TMEM114: variants seen among roughly 807,000 people sequenced by gnomAD.
TMEM114 encodes transmembrane protein 114.
TMEM114 carries 6 observed loss-of-function variants against 6.2 expected under a neutral mutation model. The observed-to-expected ratio is 0.97, with a 90% CI of 0.53 to 1.91. TMEM114 has a LOEUF of 1.91. Among genes scored for constraint, TMEM114 ranks in the 40% most tolerant of loss-of-function variants. The probability of loss-of-function intolerance (pLI) is 0.01; values close to 1 mark genes in which losing one functional copy is unlikely to be tolerated. For missense variants in TMEM114, 218 were observed against 158.3 expected (o/e 1.38, Z -2.02); for synonymous variants, 104 against 73.0 (o/e 1.42, Z -2.16).
chr16:8,534,295 C>G (rs1351793705), downstream of TMEM114, among the ~76,000 whole-genome samples: 1 of 150,788 alleles, frequency 6.6e-6, no homozygotes, highest in Non-Finnish European at 1.5e-5. Context: ...GCTTAAGCGC[C>G]AAAGACAAAC....
At chr16:8,553,516 C>T (rs1057064543) in intron 2 of TMEM114, among the ~76,000 whole-genome samples, 1 of 151,958 alleles carries the variant, frequency 6.6e-6, no homozygotes, top group Non-Finnish European at 1.5e-5. Flanking sequence ...GACGGAGTCT[C>T]GCTGTGTCAC....
downstream of TMEM114, among the ~76,000 whole-genome samples, chr16:8,566,354 G>C (rs925776213): frequency 2.8e-5 from 4 of 140,708 alleles, no homozygotes; most frequent in East Asian, 8.5e-4. Context: ...CCCAGCCTGG[G>C]TGACAGAGCT....
intron 2 of TMEM114, among the ~76,000 whole-genome samples, chr16:8,577,450 C>T (rs1901979873): frequency 6.6e-6 from 1 of 152,214 alleles, no homozygotes; most frequent in African/African-American, 2.4e-5. Context: ...ACCATGTGAC[C>T]TTAGGTAAGT....
downstream of TMEM114, among the ~76,000 whole-genome samples, chr16:8,535,325 C>G (rs77235004): frequency 1.3e-5 from 2 of 151,990 alleles, no homozygotes; most frequent in Admixed American, 1.3e-4. Context: ...TCCTCTAGCC[C>G]TGAGATAGCA....
downstream of TMEM114, among the ~76,000 whole-genome samples, chr16:8,567,518 C>T (rs1010865118): frequency 6.6e-6 from 1 of 152,242 alleles, no homozygotes; most frequent in Admixed American, 6.5e-5. Flanking sequence ...AGTGTCTCAG[C>T]ATGTCCCAAG....
At chr16:8,589,166 G>A (rs1413754834) in intron 2 of TMEM114, 47 bp downstream of exon 2, 1 of 398,504 alleles carries the variant, frequency 2.5e-6, no homozygotes, top group South Asian at 1.3e-4. Context: ...CAGAACTCAC[G>A]GCTAGGACCG....
chr16:8,547,491 C>T (rs1174493567), intron 2 of TMEM114, among the ~76,000 whole-genome samples: 1 of 151,186 alleles, frequency 6.6e-6, no homozygotes, highest in Non-Finnish European at 1.5e-5. Context: ...CTCCTGGGTT[C>T]AAGCTATTCT....
intron 2 of TMEM114, among the ~76,000 whole-genome samples, chr16:8,539,320 G>A (rs1286152558): frequency 6.6e-6 from 1 of 152,156 alleles, no homozygotes; most frequent in Admixed American, 6.5e-5. Flanking sequence ...AGGGAATAGA[G>A]GGGTGGGAGG....
intron 2 of TMEM114, among the ~76,000 whole-genome samples, chr16:8,581,520 C>G (rs1380229539): frequency 6.6e-6 from 1 of 151,740 alleles, no homozygotes; most frequent in African/African-American, 2.4e-5. Context: ...ATGGTGTGAT[C>G]TCGGCCCACT....
chr16:8,573,291 T>A (rs1263444860), intron 2 of TMEM114, among the ~76,000 whole-genome samples: 1 of 152,156 alleles, frequency 6.6e-6, no homozygotes, highest in East Asian at 1.9e-4. Flanking sequence ...GCCAAACGGA[T>A]CCACCTGGAG....
chr16:8,549,095 T>G (rs1472486347), intron 2 of TMEM114, among the ~76,000 whole-genome samples: 1 of 142,598 alleles, frequency 7.0e-6, no homozygotes, highest in Non-Finnish European at 1.5e-5. Flanking sequence ...GGCAGGAGAA[T>G]GGCGTGAACC....
intron 2 of TMEM114, among the ~76,000 whole-genome samples, chr16:8,562,526 T>TGAGTGAGTGACTG (rs1465142445): frequency 1.6e-5 from 2 of 127,262 alleles, no homozygotes; most frequent in Admixed American, 7.7e-5. Context: ...ATGAGTGAGT[T>TGAGTGAGTGACTG]AATGAGTGAG....
chr16:8,564,274 T>G (rs547542177), intron 2 of TMEM114, among the ~76,000 whole-genome samples: 8 of 139,358 alleles, frequency 5.7e-5, no homozygotes, highest in African/African-American at 8.3e-5. Flanking sequence ...ATGAAATAAG[T>G]GAATGAGTGA....
At chr16:8,528,359 A>G in the TMEM114 span, among the ~76,000 whole-genome samples, 1 of 152,180 alleles carries the variant, frequency 6.6e-6, no homozygotes, top group African/African-American at 2.4e-5. Flanking sequence ...GCTGCAGAAG[A>G]TGTACCTGGC....
chr16:8,544,094 T>C (rs1900591960), intron 2 of TMEM114, among the ~76,000 whole-genome samples: 1 of 152,244 alleles, frequency 6.6e-6, no homozygotes. Context: ...ATTTTCTTTT[T>C]CCTTCACTGT....
At chr16:8,556,713 G>T (rs1901021230) in intron 2 of TMEM114, among the ~76,000 whole-genome samples, 1 of 152,144 alleles carries the variant, frequency 6.6e-6, no homozygotes, top group Non-Finnish European at 1.5e-5. Flanking sequence ...ATGTTGGCCA[G>T]GCTGGTCTCG....
At chr16:8,547,960 G>C (rs887885433) in intron 2 of TMEM114, among the ~76,000 whole-genome samples, 2 of 152,156 alleles carry the variant, frequency 1.3e-5, no homozygotes, top group African/African-American at 4.8e-5. Flanking sequence ...TGCTGGGGCT[G>C]TGGAAATGAT....
At chr16:8,558,028 C>T (rs1042818221) in intron 2 of TMEM114, among the ~76,000 whole-genome samples, 13 of 151,942 alleles carry the variant, frequency 8.6e-5, no homozygotes, top group African/African-American at 2.7e-4. Context: ...CTAAGGCAGG[C>T]GGATCACCTG....
chr16:8,547,713 C>G (rs553092463), intron 2 of TMEM114, among the ~76,000 whole-genome samples: 19 of 152,206 alleles, frequency 1.2e-4, no homozygotes, highest in African/African-American at 4.6e-4. Context: ...TTACTGAACA[C>G]AAAGGTTGGC....
Sources: allele counts gnomAD v4.1 joint callset (sites outside exome capture counted in the v4.1 genomes callset), GRCh38; gene constraint gnomAD v4.1.1; transcripts MANE v1.5; gene names NCBI Gene and HGNC (gene_info 2026-07-23, HGNC 2026-07-21).